Variants in KASH5 observed in about 807,000 individuals in gnomAD.
KASH5 encodes KASH domain containing 5.
A neutral mutation model predicts 84.2 loss-of-function variants in KASH5; 72 were observed. The ratio of observed to expected loss-of-function variants is 0.85; its 90% CI spans 0.71 to 1.04. The LOEUF (loss-of-function observed/expected upper bound fraction) is 1.04. Among genes scored for constraint, KASH5 ranks in the 50% least tolerant of loss-of-function variants. The pLI, the probability that KASH5 is intolerant of heterozygous loss-of-function variation, is 0.00. For missense variants in KASH5, 650 were observed against 701.0 expected (o/e 0.93, Z 0.82); for synonymous variants, 260 against 279.1 (o/e 0.93, Z 0.68).
At position 49,407,284 on chromosome 19, in the gene KASH5, C is replaced by A; in HGVS notation, c.921C>A (p.Thr307=). 6.2e-7 allele frequency: 1 copy of A among 1,613,902 alleles called. No homozygotes were observed. Among genetic ancestry groups the A allele is most frequent in the Non-Finnish European group, 8.5e-7 (1 of 1,179,826 alleles). The change falls in exon 11 of 20, where the codon ACC becomes ACA. Residue 307 remains threonine (T), a synonymous_variant. Coordinates refer to ENST00000447857, the MANE Select transcript of KASH5 (RefSeq NM_144688.5). ...AACACCTCATTTGCCAAAGAGACACCATCCTCTCTGAGGTAAGGGGCCCCG... is the reference window on the plus strand; with the variant it reads ...AACACCTCATTTGCCAAAGAGACACAATCCTCTCTGAGGTAAGGGGCCCCG... ...ECEHLICQRD[T]ILSERTRDVE...
rs908046641 is a variant in KASH5 at position 49,395,695 on chromosome 19, A to G, written c.336-74A>G. 2.1e-5 allele frequency: 30 copies of G among 1,461,336 alleles called. No homozygotes were observed. Among genetic ancestry groups the G allele is most frequent in the East Asian group, 2.5e-5 (1 of 40,320 alleles). The allele number at this position is 1,461,336 out of a possible 1,614,324, so 90.5% of individuals were successfully genotyped here. ...ACCCGGTCCCCTCCTCCCACCTGCAATCCCCCTGCCTGTGGCTGGTGAGGA... is the reference window on the plus strand; with the variant it reads ...ACCCGGTCCCCTCCTCCCACCTGCAGTCCCCCTGCCTGTGGCTGGTGAGGA... On this transcript the variant is annotated intron_variant, in intron 4 of 19. Coordinates refer to ENST00000447857, the MANE Select transcript of KASH5 (RefSeq NM_144688.5). The surrounding 1 kb of genome is among the most constrained non-coding windows in gnomAD (Gnocchi z 4.4).
rs771247594 is a variant in KASH5 at position 49,407,733 on chromosome 19, G to A, written c.993+62G>A. The A allele has an allele frequency of 6.6e-6, 10 of 1,518,032 alleles. No homozygotes were observed. The African/African-American group carries it at 8.3e-5, about 13-fold the overall frequency. 94.0% of individuals were successfully genotyped at this position (1,518,032 alleles called of 1,614,324 possible). On this transcript the variant is annotated intron_variant, in intron 12 of 19. Transcript: ENST00000447857. The stretch of plus-strand genomic sequence containing the variant: ...GCCACTTCTCTTTTGCCATCTCTGG[G>A]ACTTGCTGCCTCTCCTCCTCGTGCC...
In KASH5 at chr19:49,414,709, AGGCCCGTCCG is replaced by A; in HGVS notation, c.1329-241_1329-232del. Among the ~76,000 whole-genome samples, 1 of 150,296 alleles carries A rather than the reference AGGCCCGTCCG, an allele frequency of 6.7e-6. No individual in the cohort carries two copies. The highest frequency in any genetic ancestry group is 2.1e-4 in the South Asian group (1 of 4,714). ...CCGTCCGTGCTGCCTGGCCTCCCCC[AGGCCCGTCCG>A]TGCTGCCTGGCCTCCCCCAGGCCCG... On this transcript the variant is annotated intron_variant, in intron 16 of 19. Coordinates refer to ENST00000447857, the MANE Select transcript of KASH5 (RefSeq NM_144688.5). This position sits in a 1 kb window ranked among gnomAD's most constrained non-coding sequence, Gnocchi z 4.5.
intron 17 of KASH5, 106 bp downstream of exon 17, chr19:49,415,102 A>C: frequency 9.5e-7 from 1 of 1,056,018 alleles, no homozygotes; most frequent in Non-Finnish European, 1.4e-6. Flanking sequence ...CCAACTCCTC[A>C]GGAGCAGAGA....
At position 49,407,515 on chromosome 19, in the gene KASH5, C is replaced by T. The variant is rs1974566122; in HGVS notation, c.934-97C>T. 7.4e-6 allele frequency: 10 copies of T among 1,350,230 alleles called. No individual in the cohort carries two copies. In the Admixed American group the frequency reaches 2.0e-4, roughly 27 times the overall value. The allele number at this position is 1,350,230 out of a possible 1,614,324, so 83.6% of individuals were successfully genotyped here. On this transcript the variant is annotated intron_variant, in intron 11 of 19. Transcript: ENST00000447857. Reference sequence around the variant, plus strand: ...GCCCCAGCTCTTCCCTCAAGCTCACCCTGTCCCTTAACCCCCCAGCCAGTC... The same window carrying T: ...GCCCCAGCTCTTCCCTCAAGCTCACTCTGTCCCTTAACCCCCCAGCCAGTC...
intron 9 of KASH5, among the ~76,000 whole-genome samples, chr19:49,401,868 C>T (rs1020344554): frequency 5.3e-5 from 8 of 152,226 alleles, no homozygotes; most frequent in African/African-American, 1.9e-4. Flanking sequence ...CAATGGGAAT[C>T]TCACAGCAGG....
In KASH5 at chr19:49,416,826, G is replaced by A. The variant is rs1464517276; in HGVS notation, c.1375-189G>A. On this transcript the variant is annotated intron_variant, in intron 17 of 19. Coordinates refer to ENST00000447857, the MANE Select transcript of KASH5 (RefSeq NM_144688.5). The surrounding 1 kb of genome is among the most constrained non-coding windows in gnomAD (Gnocchi z 5.4). ...TGGGGAAAGAGCGGCACGGAGAGGT[G>A]TGGTGACATGCCAAGGACCCTCAGC... is the stretch of plus-strand genomic sequence containing the variant. 6.6e-6 allele frequency among the ~76,000 whole-genome samples: 1 copy of A among 152,174 alleles called. No homozygotes were observed. Among genetic ancestry groups the A allele is most frequent in the South Asian group, 2.1e-4 (1 of 4,828 alleles).
chr19:49,401,694 C>G (rs1974365105), intron 9 of KASH5, among the ~76,000 whole-genome samples: 1 of 152,330 alleles, frequency 6.6e-6, no homozygotes, highest in East Asian at 1.9e-4. Flanking sequence ...TCTTCTCTGT[C>G]TGTCCTGCAT....
At chr19:49,398,915 C>A in intron 7 of KASH5, 110 bp from the exon 8 acceptor site, 1 of 815,444 alleles carries the variant, frequency 1.2e-6, no homozygotes, top group Non-Finnish European at 2.0e-6. Flanking sequence ...TCTGTCCCTG[C>A]CTACCACCTG....
At chr19:49,413,116 G>T in intron 16 of KASH5, 90 bp downstream of exon 16, 2 of 1,289,952 alleles carry the variant, frequency 1.6e-6, no homozygotes, top group South Asian at 1.2e-5. Flanking sequence ...TGAGGGGATC[G>T]GCATTCATTC....
Position 49,395,317 on chromosome 19 carries a change from C to T in KASH5, c.335+25C>T, listed in dbSNP as rs1304978675. ...GGTGAGTCCCCACATCTTCATCCTC[C>T]TCTGGGAAGTCCTTCCTAAGATCTA... is the stretch of plus-strand genomic sequence containing the variant. On this transcript the variant is annotated intron_variant, in intron 4 of 19. Transcript: ENST00000447857. This position sits in a 1 kb window ranked among gnomAD's most constrained non-coding sequence, Gnocchi z 4.4. The T allele has an allele frequency of 1.2e-6, 2 of 1,605,212 alleles. No homozygotes were observed. Among genetic ancestry groups the T allele is most frequent in the Non-Finnish European group, 8.5e-7 (1 of 1,177,084 alleles).
Position 49,395,820 on chromosome 19 carries a change from G to T in KASH5, c.387G>T (p.Arg129=). ...ETAFQGALTS[R]QLPSGCPEAE... is the part of the protein sequence containing the mutation. ...CCTTCCAGGGAGCCCTGACCTCCCG[G>T]CAACTGCCATCTGGTGAGATTGCTA... Residue 129 remains arginine, a synonymous_variant, in exon 5 of 20, where the codon CGG becomes CGT. Transcript: ENST00000447857. This position sits in a 1 kb window ranked among gnomAD's most constrained non-coding sequence, Gnocchi z 4.4. 1 of 1,560,966 alleles carries T rather than the reference G, an allele frequency of 6.4e-7. No individual in the cohort carries two copies. The highest frequency in any genetic ancestry group is 8.7e-7 in the Non-Finnish European group (1 of 1,152,512).
intron 2 of KASH5, 129 bp from the exon 3 acceptor site, chr19:49,394,347 C>T (rs191137778): frequency 1.8e-5 from 12 of 657,884 alleles, no homozygotes; most frequent in East Asian, 2.7e-5. Context: ...GTTCCCCACC[C>T]GCCCGAACTC....
chr19:49,411,247 T>C (rs79811538), intron 15 of KASH5, among the ~76,000 whole-genome samples: 31 of 133,788 alleles, frequency 2.3e-4, no homozygotes, highest in Non-Finnish European at 4.5e-4. Context: ...TCTCTCTCTA[T>C]TTTTTTTTTT....
At chr19:49,408,460 C>CT (rs1032272444) in intron 12 of KASH5, among the ~76,000 whole-genome samples, 1 of 136,594 alleles carries the variant, frequency 7.3e-6, no homozygotes, top group African/African-American at 2.7e-5. Flanking sequence ...TTTTTTCTTT[C>CT]TTTTTTGAGA....
At chr19:49,406,540 C>G (rs1323173103) in intron 9 of KASH5, among the ~76,000 whole-genome samples, 1 of 152,168 alleles carries the variant, frequency 6.6e-6, no homozygotes, top group African/African-American at 2.4e-5. Context: ...CCATGCCCAG[C>G]TAATTTTTTT....
At position 49,395,865 on chromosome 19, in the gene KASH5, A is replaced by G. The variant is rs2146853569; in HGVS notation, c.400+32A>G. 6.5e-7 allele frequency: 1 copy of G among 1,536,544 alleles called. No individual in the cohort carries two copies. The highest frequency in any genetic ancestry group is 8.8e-7 in the Non-Finnish European group (1 of 1,136,578). On this transcript the variant is annotated intron_variant, in intron 5 of 19. Transcript: ENST00000447857. The surrounding 1 kb of genome is among the most constrained non-coding windows in gnomAD (Gnocchi z 4.4). ...TTGCTATATATAGAATGAAGCAGGC[A>G]GGCCCTGGGTCAGACAGTGTGGGGA...
At chr19:49,407,083 C>A in intron 10 of KASH5, 120 bp downstream of exon 10, 1 of 1,263,876 alleles carries the variant, frequency 7.9e-7, no homozygotes, top group African/African-American at 1.5e-5. Context: ...GTCAGGCTCC[C>A]AGGACCACCC....
At chr19:49,406,214 T>C (rs1600931936) in intron 9 of KASH5, among the ~76,000 whole-genome samples, 1 of 151,614 alleles carries the variant, frequency 6.6e-6, no homozygotes, top group Non-Finnish European at 1.5e-5. Flanking sequence ...AGCTGGGTGA[T>C]AGATAATGTG....
Sources: allele counts gnomAD v4.1 joint callset (sites outside exome capture counted in the v4.1 genomes callset), GRCh38; gene constraint gnomAD v4.1.1; non-coding constraint Gnocchi (gnomAD v3.1); transcripts MANE v1.5; gene names NCBI Gene and HGNC (gene_info 2026-07-23, HGNC 2026-07-21).